The following XRCC4 variants were observed in gnomAD, a reference collection of about 807,000 sequenced individuals.
XRCC4 encodes DNA repair protein XRCC4.
Under a neutral mutation model 39.1 loss-of-function variants are expected in XRCC4, and 28 were observed. That is an observed-to-expected ratio of 0.72 (90% CI 0.53 to 0.98). The LOEUF (loss-of-function observed/expected upper bound fraction) is 0.98, where lower values mean the gene tolerates loss of function less well. Among genes scored for constraint, XRCC4 ranks in the 50% least tolerant of loss-of-function variants. The pLI, the probability that XRCC4 is intolerant of heterozygous loss-of-function variation, is 0.00. For synonymous variants in XRCC4, 123 were observed against 126.4 expected, an observed-to-expected ratio of 0.97 and a Z score of 0.18; for missense variants, 350 against 376.4, an observed-to-expected ratio of 0.93 and a Z score of 0.58.
intron 1 of XRCC4, among the ~76,000 whole-genome samples, chr5:83,093,747 ATATCTT>A (rs1745539341): frequency 6.6e-6 from 1 of 152,158 alleles, no homozygotes; most frequent in Non-Finnish European, 1.5e-5. Context: ...AAATTAAAAA[ATATCTT>A]TAGACAAACA....
chr5:83,111,831 C>G (rs1197412571), intron 3 of XRCC4, among the ~76,000 whole-genome samples: 1 of 152,006 alleles, frequency 6.6e-6, no homozygotes, highest in South Asian at 2.1e-4. Context: ...TATATTTTAC[C>G]TAAGTTTAAT....
intron 3 of XRCC4, among the ~76,000 whole-genome samples, chr5:83,145,147 G>A (rs889557926): frequency 5.3e-5 from 8 of 152,038 alleles, no homozygotes; most frequent in Non-Finnish European, 1.0e-4. Context: ...CGCCTGCCTC[G>A]GCCTCCCACA....
At chr5:83,133,157 C>T (rs191001691) in intron 3 of XRCC4, among the ~76,000 whole-genome samples, 1 of 151,888 alleles carries the variant, frequency 6.6e-6, no homozygotes, top group African/African-American at 2.4e-5. Context: ...AGGTCCACTC[C>T]GGACTCTGTT....
At chr5:83,307,631 G>A (rs1755534463) in intron 7 of XRCC4, among the ~76,000 whole-genome samples, 1 of 152,188 alleles carries the variant, frequency 6.6e-6, no homozygotes, top group Non-Finnish European at 1.5e-5. Context: ...TTGGTGAATG[G>A]TGGAAGCAAG....
At chr5:83,104,811 T>A (rs1746116538) in intron 1 of XRCC4, 99 bp from the exon 2 acceptor site, 7 of 1,117,620 alleles carry the variant, frequency 6.3e-6, no homozygotes, top group Non-Finnish European at 9.0e-6. Context: ...GCTTATTTTC[T>A]TATTTCCTTG....
chr5:83,291,416 CTGTTTCCTTTGTATA>C (rs893714577), intron 7 of XRCC4, among the ~76,000 whole-genome samples: 1 of 151,682 alleles, frequency 6.6e-6, no homozygotes, highest in Non-Finnish European at 1.5e-5. Context: ...TAAAATTTGC[CTGTTTCCTTTGTATA>C]TTTTTTCTTT....
chr5:83,367,363 T>C, the XRCC4 span, among the ~76,000 whole-genome samples: 1 of 152,224 alleles, frequency 6.6e-6, no homozygotes, highest in Non-Finnish European at 1.5e-5. Context: ...TAAAATCACA[T>C]TAATTTTAAA....
At chr5:83,323,952 A>G (rs1205238333) in intron 7 of XRCC4, among the ~76,000 whole-genome samples, 1 of 152,090 alleles carries the variant, frequency 6.6e-6, no homozygotes, top group Non-Finnish European at 1.5e-5. Flanking sequence ...TTATCCAGAG[A>G]TGATAGGATA....
chr5:83,089,384 A>G (rs1003495697), intron 1 of XRCC4, among the ~76,000 whole-genome samples: 1 of 152,226 alleles, frequency 6.6e-6, no homozygotes, highest in Non-Finnish European at 1.5e-5. Context: ...GATTATCCCA[A>G]TATCCTTCCT....
intron 4 of XRCC4, among the ~76,000 whole-genome samples, chr5:83,200,391 G>T (rs1197496261): frequency 2.0e-5 from 3 of 152,148 alleles, no homozygotes; most frequent in South Asian, 4.1e-4. Flanking sequence ...ACCAAGCAAG[G>T]TTAACTCACA....
At chr5:83,183,090 T>C (rs528423848) in intron 3 of XRCC4, among the ~76,000 whole-genome samples, 1 of 152,290 alleles carries the variant, frequency 6.6e-6, no homozygotes, top group Non-Finnish European at 1.5e-5. Flanking sequence ...CATTGACTTC[T>C]GGTATCTAGC....
intron 2 of XRCC4, among the ~76,000 whole-genome samples, chr5:83,106,260 C>G (rs1459175770): frequency 6.6e-6 from 1 of 151,946 alleles, no homozygotes; most frequent in Admixed American, 6.6e-5. Context: ...GTGTATAAGG[C>G]TAAAGACAAG....
intron 3 of XRCC4, among the ~76,000 whole-genome samples, chr5:83,136,759 T>C (rs7726184): frequency 0.015 from 2,218 of 152,318 alleles, 63 homozygotes; most frequent in African/African-American, 0.051. Context: ...TTCATTGATT[T>C]AATTGAATTA....
intron 3 of XRCC4, among the ~76,000 whole-genome samples, chr5:83,189,556 T>C (rs1447277427): frequency 6.6e-6 from 1 of 152,202 alleles, no homozygotes; most frequent in African/African-American, 2.4e-5. Context: ...TTTTTATTAG[T>C]TCTAAGAAAT....
intron 3 of XRCC4, among the ~76,000 whole-genome samples, chr5:83,115,342 G>T (rs1410880519): frequency 6.6e-6 from 1 of 152,168 alleles, no homozygotes; most frequent in Admixed American, 6.5e-5. Flanking sequence ...CAGGAGAATG[G>T]CTTGAACCCG....
intron 7 of XRCC4, among the ~76,000 whole-genome samples, chr5:83,309,519 T>C (rs1267685502): frequency 4.0e-5 from 6 of 150,762 alleles, no homozygotes; most frequent in Non-Finnish European, 7.4e-5. Context: ...CCCAGCACTT[T>C]GGGAGGCCAA....
chr5:83,287,837 A>T (rs557877709), intron 7 of XRCC4, among the ~76,000 whole-genome samples: 2 of 151,792 alleles, frequency 1.3e-5, no homozygotes, highest in East Asian at 3.9e-4. Context: ...CTGTAGGCTT[A>T]AACTGCTCTT....
chr5:83,134,697 C>T (rs986415932), intron 3 of XRCC4, among the ~76,000 whole-genome samples: 2 of 152,172 alleles, frequency 1.3e-5, no homozygotes, highest in African/African-American at 2.4e-5. Context: ...CTCGGGTACC[C>T]TTGCGTGTTG....
chr5:83,338,331 G>C (rs1756654643), intron 7 of XRCC4, among the ~76,000 whole-genome samples: 3 of 152,166 alleles, frequency 2.0e-5, no homozygotes. Flanking sequence ...AGATGATTGA[G>C]GCTGAGATAT....
Sources: gnomAD v4.1 joint callset for allele counts (sites outside exome capture counted in the v4.1 genomes callset) on GRCh38, gnomAD v4.1.1 for gene constraint, MANE v1.5 for transcripts, NCBI Gene and HGNC (gene_info 2026-07-23, HGNC 2026-07-21) for gene names.